Variants in RUBCNL observed in about 807,000 individuals in gnomAD.
The protein encoded by RUBCNL is rubicon like autophagy enhancer.
Under a neutral mutation model 69.5 loss-of-function variants are expected in RUBCNL, and 62 were observed. The ratio of observed to expected loss-of-function variants is 0.89; its 90% confidence interval spans 0.73 to 1.10. The LOEUF (loss-of-function observed/expected upper bound fraction) is 1.10. Ranked by LOEUF, RUBCNL falls within the 50% of genes least tolerant of loss-of-function variation. The pLI is 0.00. For synonymous variants in RUBCNL, 291 were observed against 303.6 expected (o/e 0.96, Z 0.43); for missense variants, 768 against 798.1 (o/e 0.96, Z 0.45).
At chr13:46,357,332 CAAAAAAAA>C (rs750289413) in intron 9 of RUBCNL, among the ~76,000 whole-genome samples, 4 of 53,314 alleles carry the variant, frequency 7.5e-5, no homozygotes, top group African/African-American at 2.2e-4. Context: ...GACTCCGTCT[CAAAAAAAA>C]AAAAAAAAAA....
In RUBCNL at chr13:46,343,381, G is replaced by A. The variant is rs948135908; in HGVS notation, c.*4C>T. On this transcript the variant is annotated 3_prime_UTR_variant, in exon 15 of 15. Coordinates refer to ENST00000429979, the MANE Select transcript of RUBCNL (RefSeq NM_025113.5). Reference sequence around the variant, plus strand: ...AACAGTCTTTTTCACAGTACTCAGGGGCATCATGTTGCTGCAGAGGCCACA... The same window carrying A: ...AACAGTCTTTTTCACAGTACTCAGGAGCATCATGTTGCTGCAGAGGCCACA... 7 of 1,612,316 alleles carry A rather than the reference G, an allele frequency of 4.3e-6. No individual in the cohort carries two copies. In the African/African-American group the frequency reaches 6.7e-5, roughly 15 times the overall value.
chr13:46,362,473 G>T (rs2138752532), intron 7 of RUBCNL, 65 bp downstream of exon 7: 1 of 1,064,906 alleles, frequency 9.4e-7, no homozygotes, highest in Non-Finnish European at 1.4e-6. Flanking sequence ...AGAGGCCTAG[G>T]TTTCACACTG....
chr13:46,387,831 C>T (rs776074656), upstream of RUBCNL: 1 of 985,584 alleles, frequency 1.0e-6, no homozygotes. Context: ...GGAATCCCAT[C>T]ACGGGTGTGC....
At chr13:46,371,790 C>T (rs529701477) in intron 3 of RUBCNL, 151 bp downstream of exon 3, 1 of 731,620 alleles carries the variant, frequency 1.4e-6, no homozygotes, top group Non-Finnish European at 2.2e-6. Context: ...TTTGATTTCA[C>T]CTGTTGTGAC....
intron 14 of RUBCNL, 70 bp downstream of exon 14, chr13:46,344,671 G>T: frequency 2.0e-6 from 2 of 1,010,522 alleles, no homozygotes; most frequent in Non-Finnish European, 1.5e-6. Context: ...TTAATTTTGT[G>T]CTTAAGTTAC....
At chr13:46,351,155 C>T (rs1434451736) in intron 10 of RUBCNL, 1 of 151,984 alleles carries the variant, frequency 6.6e-6, no homozygotes, top group Non-Finnish European at 1.5e-5. Context: ...GTCCTAGCTA[C>T]TTGGGAGGCT....
In RUBCNL at chr13:46,335,260, G is replaced by GTTTTTTTTTTTTTTT. The variant is rs764458781; in HGVS notation, c.*8110_*8124dup. Among the ~76,000 whole-genome samples, 1 of 101,888 alleles carries GTTTTTTTTTTTTTTT rather than the reference G, an allele frequency of 9.8e-6. No homozygotes were observed. The highest frequency in any genetic ancestry group is 1.9e-5 in the Non-Finnish European group (1 of 53,470). The allele number at this position is 101,888 out of a possible 152,430, so 66.8% of individuals were successfully genotyped here. A position where few individuals can be genotyped will look rare whatever the true frequency, so the allele number is the denominator to read the frequency against. On this transcript the variant is annotated 3_prime_UTR_variant, in exon 15 of 15. Coordinates refer to ENST00000429979, the MANE Select transcript of RUBCNL (RefSeq NM_025113.5). ...GTGTCTTTTTGTTGTTGTTGTTGTT[G>GTTTTTTTTTTTTTTT]TTTTTTTTTTTTTTTTTTTTTTTTT... is the stretch of plus-strand genomic sequence containing the variant.
intron 10 of RUBCNL, among the ~76,000 whole-genome samples, chr13:46,353,029 G>C (rs2048404811): frequency 6.6e-6 from 1 of 152,170 alleles, no homozygotes; most frequent in Admixed American, 6.5e-5. Flanking sequence ...CACACGAACA[G>C]TATGTAGGCA....
intron 2 of RUBCNL, among the ~76,000 whole-genome samples, chr13:46,376,197 C>A (rs2264980): frequency 3.5e-4 from 53 of 151,894 alleles, no homozygotes; most frequent in African/African-American, 1.1e-3. Context: ...AAAAGTTGTG[C>A]GCAGATTTTC....
chr13:46,360,783 G>A (rs952956053), intron 8 of RUBCNL, among the ~76,000 whole-genome samples: 1 of 152,226 alleles, frequency 6.6e-6, no homozygotes, highest in African/African-American at 2.4e-5. Flanking sequence ...TGTGTTCCAT[G>A]AGGGAACCAA....
At position 46,340,499 on chromosome 13, in the gene RUBCNL, CA is replaced by C. The variant is rs910553647; in HGVS notation, c.*2885del. Among the ~76,000 whole-genome samples, 3 of 152,208 alleles carry C rather than the reference CA, an allele frequency of 2.0e-5. No individual in the cohort carries two copies. Among genetic ancestry groups the C allele is most frequent in the Admixed American group, 2.0e-4 (3 of 15,284 alleles). ...CTCAACTGCAGAGAGTCATATCCCT[CA>C]TTTTACAAACAGAGGCTTAGATAAT... On this transcript the variant is annotated 3_prime_UTR_variant, in exon 15 of 15. Coordinates refer to ENST00000429979, the MANE Select transcript of RUBCNL (RefSeq NM_025113.5).
Position 46,339,389 on chromosome 13 carries a change from C to A in RUBCNL, c.*3996G>T, listed in dbSNP as rs904707829. Among the ~76,000 whole-genome samples the A allele has an allele frequency of 6.6e-6, 1 of 152,190 alleles. No individual in the cohort carries two copies. The highest frequency in any genetic ancestry group is 1.5e-5 in the Non-Finnish European group (1 of 68,040). On this transcript the variant is annotated 3_prime_UTR_variant, in exon 15 of 15. Transcript: ENST00000429979. ...AATGACACACTTCACCCTCCTTTGG[C>A]GATGAGTTCAGGAAGGCTTCCTGCA...
At chr13:46,348,295 C>T (rs920330277) in intron 12 of RUBCNL, among the ~76,000 whole-genome samples, 2 of 152,050 alleles carry the variant, frequency 1.3e-5, no homozygotes, top group Non-Finnish European at 2.9e-5. Context: ...TACTTTAATG[C>T]CACTGAAGTG....
chr13:46,343,527 ACGGT>A, intron 14 of RUBCNL, 30 bp from the exon 15 acceptor site: 1 of 1,605,708 alleles, frequency 6.2e-7, no homozygotes, highest in African/African-American at 1.3e-5. Flanking sequence ...CCGTTAGCAA[ACGGT>A]CTATCTTGTT....
rs539575830 is a variant in RUBCNL at position 46,372,142 on chromosome 13, C to A, written c.334G>T (p.Val112Phe). 6.2e-7 allele frequency: 1 copy of A among 1,613,994 alleles called. No individual in the cohort carries two copies. Among genetic ancestry groups the A allele is most frequent in the Non-Finnish European group, 8.5e-7 (1 of 1,179,884 alleles). The change falls in exon 3 of 15, where the codon GTT becomes TTT. Residue 112 changes from valine (V) to phenylalanine (F), a missense_variant. Physicochemically the swap from Val to Phe is conservative, Grantham distance 50 (BLOSUM62 -1). Transcript: ENST00000429979. ...TTLSEDTTDS[V>F]GSASPHGSSE... is the part of the protein sequence containing the mutation. ...GAGCCATGGGGAGAAGCGCTGCCAA[C>A]GGAGTCTGTGGTATCCTCAGACAAC...
At chr13:46,351,988 C>T (rs1176227845) in intron 10 of RUBCNL, among the ~76,000 whole-genome samples, 3 of 152,062 alleles carry the variant, frequency 2.0e-5, no homozygotes, top group Admixed American at 6.6e-5. Context: ...CCACCATGCC[C>T]GGCTAATTTT....
rs762995341 is a variant in RUBCNL, at chr13:46,356,505, G to A, written c.1266-9C>T. Reference sequence around the variant, plus strand: ...CCACCACAAGGTCCCTCCTGAATACGAAAAATAATACTAGTTACATTTCAG... The same window carrying A: ...CCACCACAAGGTCCCTCCTGAATACAAAAAATAATACTAGTTACATTTCAG... On this transcript the variant is annotated splice_polypyrimidine_tract_variant and intron_variant, in intron 9 of 14. Transcript: ENST00000429979. The A allele has an allele frequency of 4.3e-6, 7 of 1,611,798 alleles. No individual in the cohort carries two copies. Among genetic ancestry groups the A allele is most frequent in the African/African-American group, 2.7e-5 (2 of 74,818 alleles).
chr13:46,344,361 T>G (rs1363068433), intron 14 of RUBCNL, among the ~76,000 whole-genome samples: 1 of 152,196 alleles, frequency 6.6e-6, no homozygotes, highest in East Asian at 1.9e-4. Flanking sequence ...CTGAGGGCCA[T>G]GTGGTCTCTA....
intron 9 of RUBCNL, among the ~76,000 whole-genome samples, chr13:46,357,041 C>T (rs999786308): frequency 7.4e-5 from 11 of 148,544 alleles, no homozygotes; most frequent in African/African-American, 2.7e-4. Context: ...AAAGCTACAT[C>T]TCTTTAAAAG....
Sources: gnomAD v4.1 joint callset for allele counts (sites outside exome capture counted in the v4.1 genomes callset) on GRCh38, gnomAD v4.1.1 for gene constraint, MANE v1.5 for transcripts, NCBI Gene and HGNC (gene_info 2026-07-23, HGNC 2026-07-21) for gene names.